The following PRKCQ variants were observed in gnomAD, a reference collection of about 807,000 sequenced individuals.
PRKCQ encodes protein kinase C theta type.
PRKCQ carries 41 observed loss-of-function variants against 91.2 expected under a neutral mutation model. The observed-to-expected ratio is 0.45, with a 90% CI of 0.35 to 0.58. The LOEUF is 0.58. PRKCQ is among the 20% of genes least tolerant of loss of function. The probability of loss-of-function intolerance (pLI) is 0.00; values close to 1 mark genes in which losing one functional copy is unlikely to be tolerated. For synonymous variants in PRKCQ, 307 were observed against 316.9 expected, an observed-to-expected ratio of 0.97 and a Z score of 0.33; for missense variants, 673 against 896.5, an observed-to-expected ratio of 0.75 and a Z score of 3.18.
chr10:6,477,655 G>A (rs112761104), intron 12 of PRKCQ, among the ~76,000 whole-genome samples: 1,930 of 152,326 alleles, frequency 0.013, 27 homozygotes, highest in Middle Eastern at 0.041. Flanking sequence ...ATCACCTGAG[G>A]TCAGGAGTTT....
At chr10:6,577,889 G>A (rs916880008) in intron 1 of PRKCQ, among the ~76,000 whole-genome samples, 2 of 151,726 alleles carry the variant, frequency 1.3e-5, no homozygotes, top group Non-Finnish European at 2.9e-5. Context: ...CTGAATCCCC[G>A]AAGTTACATA....
At chr10:6,580,054 C>A (rs920951817) in intron 1 of PRKCQ, among the ~76,000 whole-genome samples, 157 bp downstream of exon 1, 1 of 152,120 alleles carries the variant, frequency 6.6e-6, no homozygotes, top group Admixed American at 6.5e-5. Context: ...TGCGCTCTTG[C>A]GCCCGCTTGG....
At chr10:6,567,138 C>G (rs1840863878) in intron 1 of PRKCQ, among the ~76,000 whole-genome samples, 1 of 152,116 alleles carries the variant, frequency 6.6e-6, no homozygotes, top group Non-Finnish European at 1.5e-5. Flanking sequence ...GGGAGCTCCA[C>G]TAATGAGAAG....
intron 17 of PRKCQ, among the ~76,000 whole-genome samples, chr10:6,429,235 G>C (rs1833283589): frequency 6.6e-6 from 1 of 152,214 alleles, no homozygotes; most frequent in African/African-American, 2.4e-5. Context: ...TCAAAGTTTT[G>C]ATTTTTATGT....
At chr10:6,552,342 C>T (rs1840219595) in intron 1 of PRKCQ, among the ~76,000 whole-genome samples, 1 of 152,100 alleles carries the variant, frequency 6.6e-6, no homozygotes, top group Admixed American at 6.5e-5. Flanking sequence ...CAATATAAAT[C>T]ACTGTTTATA....
the PRKCQ span, among the ~76,000 whole-genome samples, chr10:6,398,303 A>C: frequency 6.6e-6 from 1 of 152,228 alleles, no homozygotes; most frequent in South Asian, 2.1e-4. Flanking sequence ...GTAAGTTTTG[A>C]AATTAAGAAG....
At chr10:6,545,239 G>A (rs748206950) in intron 1 of PRKCQ, among the ~76,000 whole-genome samples, 3 of 152,192 alleles carry the variant, frequency 2.0e-5, no homozygotes, top group Non-Finnish European at 4.4e-5. Flanking sequence ...AGAGAAGGAG[G>A]CTAAATTAAT....
chr10:6,454,895 G>T (rs1020513885), intron 15 of PRKCQ, among the ~76,000 whole-genome samples: 1 of 152,182 alleles, frequency 6.6e-6, no homozygotes, highest in Non-Finnish European at 1.5e-5. Context: ...GAGTGAAGCT[G>T]CAGAGAGAAG....
At chr10:6,454,725 C>T (rs1018199363) in intron 15 of PRKCQ, among the ~76,000 whole-genome samples, 5 of 151,942 alleles carry the variant, frequency 3.3e-5, no homozygotes, top group Admixed American at 3.3e-4. Context: ...GGAAAGTGGA[C>T]GTAGTGTCTG....
At chr10:6,451,353 T>C (rs183329055) in intron 15 of PRKCQ, among the ~76,000 whole-genome samples, 5 of 152,230 alleles carry the variant, frequency 3.3e-5, no homozygotes, top group Non-Finnish European at 7.4e-5. Flanking sequence ...CCTCGACATA[T>C]ACACTCTCCC....
At position 6,479,175 on chromosome 10, in the gene PRKCQ, G is replaced by C. The variant is rs1374674514; in HGVS notation, c.1180-10C>G. The C allele has an allele frequency of 6.2e-7, 1 of 1,612,130 alleles. No individual in the cohort carries two copies. Among genetic ancestry groups the C allele is most frequent in the Non-Finnish European group, 8.5e-7 (1 of 1,178,980 alleles). ...ATTCTGCCAGGAAGACCTAGAAGGA[G>C]AGGGAAGAAGTAACTTTATTTTAGA... On this transcript the variant is annotated splice_polypyrimidine_tract_variant and intron_variant, in intron 11 of 17. Transcript: ENST00000263125.
intron 12 of PRKCQ, among the ~76,000 whole-genome samples, chr10:6,474,245 C>T (rs541211327): frequency 1.3e-5 from 2 of 152,334 alleles, no homozygotes; most frequent in East Asian, 3.9e-4. Context: ...TGCCTCTTGG[C>T]ATCACCCTGG....
At chr10:6,541,831 GCCT>G (rs1304928327) in intron 1 of PRKCQ, among the ~76,000 whole-genome samples, 1 of 152,002 alleles carries the variant, frequency 6.6e-6, no homozygotes, top group Admixed American at 6.6e-5. Context: ...CCACCTCCAA[GCCT>G]CCTCGTTTCC....
intron 16 of PRKCQ, among the ~76,000 whole-genome samples, chr10:6,435,060 G>T (rs868590217): frequency 6.6e-6 from 1 of 152,046 alleles, no homozygotes; most frequent in Non-Finnish European, 1.5e-5. Flanking sequence ...GACTACAGGC[G>T]CCCACCACCA....
chr10:6,433,580 T>C (rs1833524606), intron 16 of PRKCQ, among the ~76,000 whole-genome samples: 1 of 152,122 alleles, frequency 6.6e-6, no homozygotes, highest in South Asian at 2.1e-4. Context: ...CACGGTAAGA[T>C]ATATTTTTCT....
At chr10:6,440,536 G>A (rs973686441) in intron 16 of PRKCQ, among the ~76,000 whole-genome samples, 1 of 152,278 alleles carries the variant, frequency 6.6e-6, no homozygotes, top group East Asian at 1.9e-4. Context: ...GCTTCTACCT[G>A]GTAAGGTCTG....
chr10:6,479,416 T>C (rs1302639791), intron 11 of PRKCQ, among the ~76,000 whole-genome samples: 3 of 152,144 alleles, frequency 2.0e-5, no homozygotes, highest in Non-Finnish European at 4.4e-5. Context: ...ATTGAATGGA[T>C]TTTTAAAAGT....
At chr10:6,486,010 A>G in intron 9 of PRKCQ, 25 bp downstream of exon 9, 1 of 1,579,340 alleles carries the variant, frequency 6.3e-7, no homozygotes, top group Non-Finnish European at 8.7e-7. Flanking sequence ...CATGGCGGGA[A>G]CGTGTCCACG....
chr10:6,563,857 GAGGA>G (rs1320760959), intron 1 of PRKCQ, among the ~76,000 whole-genome samples: 2 of 152,240 alleles, frequency 1.3e-5, no homozygotes, highest in Non-Finnish European at 2.9e-5. Context: ...GTTGGGGAGG[GAGGA>G]AGGGTGTGTT....
Sources: allele counts gnomAD v4.1 joint callset (sites outside exome capture counted in the v4.1 genomes callset), GRCh38; gene constraint gnomAD v4.1.1; transcripts MANE v1.5; gene names NCBI Gene and HGNC (gene_info 2026-07-23, HGNC 2026-07-21).